The following ARHGAP22 variants were observed in gnomAD, a reference collection of about 807,000 sequenced individuals.
The protein encoded by ARHGAP22 is rho GTPase-activating protein 22.
In ARHGAP22, 48 loss-of-function variants were observed where a neutral mutation model predicts 59.1. The observed-to-expected ratio is 0.81, with a 90% CI of 0.64 to 1.03. The LOEUF is 1.03. Ranked by LOEUF, ARHGAP22 falls within the 50% of genes least tolerant of loss-of-function variation. ARHGAP22 has a pLI of 0.00. For missense variants in ARHGAP22, 1,015 were observed against 958.7 expected, an observed-to-expected ratio of 1.06 and a Z score of -0.78; for synonymous variants, 445 against 416.4, an observed-to-expected ratio of 1.07 and a Z score of -0.84.
rs747810910 is a variant in ARHGAP22 at position 48,455,144 on chromosome 10, G to A, written c.660-10C>T. The A allele has an allele frequency of 6.2e-7, 1 of 1,601,178 alleles. No individual in the cohort carries two copies. The highest frequency in any genetic ancestry group is 1.7e-5 in the Admixed American group (1 of 59,564). Reference sequence around the variant, plus strand: ...GTGCACGTCTGTTGTGCTGTGGGGGGGAAGAGGACAGGTGTGTGAGGCCTG... The same window carrying A: ...GTGCACGTCTGTTGTGCTGTGGGGGAGAAGAGGACAGGTGTGTGAGGCCTG... On this transcript the variant is annotated splice_polypyrimidine_tract_variant and intron_variant, in intron 5 of 9. Transcript: ENST00000249601.
At chr10:48,467,044 A>G (rs1441713053) in intron 4 of ARHGAP22, among the ~76,000 whole-genome samples, 2 of 152,208 alleles carry the variant, frequency 1.3e-5, no homozygotes, top group African/African-American at 2.4e-5. Context: ...GTCACCCAGC[A>G]AGGAGGAGGT....
chr10:48,511,458 G>A (rs2052756823), intron 3 of ARHGAP22: 1 of 152,314 alleles, frequency 6.6e-6, no homozygotes, highest in Non-Finnish European at 1.5e-5. Context: ...GTGCCCCAGA[G>A]GGTGATGCAG....
At chr10:48,442,656 G>C (rs1429984721), downstream of ARHGAP22, among the ~76,000 whole-genome samples, 1 of 151,962 alleles carries the variant, frequency 6.6e-6, no homozygotes, top group Non-Finnish European at 1.5e-5. Flanking sequence ...GCCCAGAAAA[G>C]TGCTCTACTC....
rs115231967 is a variant in ARHGAP22 at position 48,549,101 on chromosome 10, T to G, written c.322+6362A>C. ...CATTCCTTAGAAGGAACTCAGTGAA[T>G]GTTTAGCCCACTAGCACTCATACAC... On this transcript the variant is annotated intron_variant, in intron 3 of 9. Transcript: ENST00000249601. Among the ~76,000 whole-genome samples, 687 of 152,322 alleles carry G rather than the reference T, an allele frequency of 4.5e-3. 4 individuals are homozygous for G. Among genetic ancestry groups the G allele is most frequent in the African/African-American group, 0.015 (624 of 41,554 alleles).
At chr10:48,431,212 T>C in the ARHGAP22 span, 6 of 1,610,686 alleles carry the variant, frequency 3.7e-6, no homozygotes, top group South Asian at 2.2e-5. Context: ...ATAAGGAAGT[T>C]ATGGACTTGG....
At chr10:48,647,048 C>T (rs1454918798) in intron 1 of ARHGAP22, among the ~76,000 whole-genome samples, 2 of 152,172 alleles carry the variant, frequency 1.3e-5, no homozygotes, top group Non-Finnish European at 2.9e-5. Context: ...ATAAGACAGA[C>T]AACCTGATTT....
At chr10:48,528,213 A>G (rs370465940) in intron 3 of ARHGAP22, among the ~76,000 whole-genome samples, 4 of 152,250 alleles carry the variant, frequency 2.6e-5, no homozygotes, top group Admixed American at 1.3e-4. Context: ...CCTGCCCTCC[A>G]TAGTTCCAAT....
intron 1 of ARHGAP22, among the ~76,000 whole-genome samples, chr10:48,598,749 C>G (rs941333343): frequency 6.6e-6 from 1 of 152,226 alleles, no homozygotes; most frequent in Admixed American, 6.5e-5. Context: ...ATCACCTTGT[C>G]CTCCCACTGC....
chr10:48,505,907 C>T (rs922133745), intron 3 of ARHGAP22, among the ~76,000 whole-genome samples: 13 of 152,356 alleles, frequency 8.5e-5, no homozygotes, highest in Non-Finnish European at 1.5e-4. Flanking sequence ...CCGTGTTCTA[C>T]CGGCCCAATA....
At chr10:48,635,369 C>T (rs935314176) in intron 1 of ARHGAP22, among the ~76,000 whole-genome samples, 3 of 152,218 alleles carry the variant, frequency 2.0e-5, no homozygotes, top group Non-Finnish European at 4.4e-5. Context: ...TTGGGTGCTC[C>T]GTAACTTGTC....
chr10:48,441,091 G>A (rs1013386013), downstream of ARHGAP22, among the ~76,000 whole-genome samples: 3 of 152,160 alleles, frequency 2.0e-5, no homozygotes, highest in African/African-American at 4.8e-5. Context: ...CCAACTTACC[G>A]CTCCAGGAGT....
intron 3 of ARHGAP22, among the ~76,000 whole-genome samples, chr10:48,506,434 C>A (rs2052147039): frequency 6.6e-6 from 1 of 152,132 alleles, no homozygotes; most frequent in Non-Finnish European, 1.5e-5. Context: ...AGAAAAGGTA[C>A]CATGAAAATA....
rs553612751 is a variant in ARHGAP22, at chr10:48,508,035, C to T, written c.323-28271G>A. 1.6e-3 allele frequency among the ~76,000 whole-genome samples: 251 copies of T among 152,208 alleles called. 3 individuals are homozygous for T. Among genetic ancestry groups the T allele is most frequent in the African/African-American group, 5.9e-3 (244 of 41,504 alleles). ...GGAGGCACCTGCTTCTCGGGCCATCCCTGCCTTCCACTGGGATGGTCAGAC... is the reference window on the plus strand; with the variant it reads ...GGAGGCACCTGCTTCTCGGGCCATCTCTGCCTTCCACTGGGATGGTCAGAC... On this transcript the variant is annotated intron_variant, in intron 3 of 9. Transcript: ENST00000249601.
chr10:48,544,452 G>C (rs903101297), intron 3 of ARHGAP22, among the ~76,000 whole-genome samples: 1 of 150,724 alleles, frequency 6.6e-6, no homozygotes, highest in African/African-American at 2.4e-5. Flanking sequence ...TAGAGCACCT[G>C]TTCTATGCTG....
chr10:48,504,758 A>G (rs1341787453), intron 3 of ARHGAP22, among the ~76,000 whole-genome samples: 1 of 152,110 alleles, frequency 6.6e-6, no homozygotes. Context: ...AGGGGAGGGA[A>G]GCAGAGGCTG....
chr10:48,641,991 C>T (rs138586979), intron 1 of ARHGAP22, among the ~76,000 whole-genome samples: 2,284 of 152,258 alleles, frequency 0.015, 65 homozygotes, highest in African/African-American at 0.051. Flanking sequence ...TTCACAATTC[C>T]TTCAAAGAGA....
chr10:48,642,196 C>G (rs1176599119), intron 1 of ARHGAP22, among the ~76,000 whole-genome samples: 2 of 152,228 alleles, frequency 1.3e-5, no homozygotes, highest in African/African-American at 2.4e-5. Context: ...CCATCCCCAT[C>G]AAGCTACCAA....
intron 1 of ARHGAP22, among the ~76,000 whole-genome samples, chr10:48,647,101 A>G (rs2062336167): frequency 6.6e-6 from 1 of 152,234 alleles, no homozygotes; most frequent in Non-Finnish European, 1.5e-5. Flanking sequence ...ACCAAAGAAG[A>G]CATACAAACA....
chr10:48,481,408 G>GA (rs1170648367), intron 3 of ARHGAP22, among the ~76,000 whole-genome samples: 6 of 149,368 alleles, frequency 4.0e-5, no homozygotes, highest in East Asian at 1.9e-4. Flanking sequence ...AGATGACTTG[G>GA]AAAAAAAAAA....
Sources: allele counts gnomAD v4.1 joint callset (sites outside exome capture counted in the v4.1 genomes callset), GRCh38; gene constraint gnomAD v4.1.1; transcripts MANE v1.5; gene names NCBI Gene and HGNC (gene_info 2026-07-23, HGNC 2026-07-21).